SPEN: variants seen among roughly 807,000 people sequenced by gnomAD.
SPEN encodes the protein spen family transcriptional repressor, also known as msx2-interacting protein.
A neutral mutation model predicts 269.9 loss-of-function variants in SPEN; 18 were observed. The ratio of observed to expected loss-of-function variants is 0.07; its 90% CI spans 0.05 to 0.10. The LOEUF (loss-of-function observed/expected upper bound fraction) is 0.10, where lower values mean the gene tolerates loss of function less well. SPEN is among the 10% of genes least tolerant of loss of function. SPEN has a pLI of 1.00. For missense variants in SPEN, 3,822 were observed against 4,631.2 expected (o/e 0.83, Z 5.07); for synonymous variants, 1,726 against 1,765.7 (o/e 0.98, Z 0.56).
intron 5 of SPEN, among the ~76,000 whole-genome samples, chr1:15,912,815 A>G (rs746076364): frequency 3.7e-4 from 56 of 152,314 alleles, no homozygotes; most frequent in Non-Finnish European, 7.8e-4. Flanking sequence ...TTAGAATGTC[A>G]TATATGTTTC....
intron 1 of SPEN, among the ~76,000 whole-genome samples, chr1:15,855,125 G>A (rs1470624609): frequency 6.6e-6 from 1 of 152,116 alleles, no homozygotes; most frequent in East Asian, 1.9e-4. Context: ...AAGATTTGTG[G>A]GAAAATTCAA....
In SPEN at chr1:15,854,672, C is replaced by T. The variant is rs187165294; in HGVS notation, c.83+6522C>T. On this transcript the variant is annotated intron_variant, in intron 1 of 14. Transcript: ENST00000375759. ...GCTAATTTTGTGTTTTTAGTAGAGA[C>T]GGGGTTTCTCTGTGTTGAGGCTGGT... Among the ~76,000 whole-genome samples the T allele has an allele frequency of 2.2e-3, 340 of 151,920 alleles. 1 individual carries two copies. Among genetic ancestry groups the T allele is most frequent in the African/African-American group, 7.6e-3 (315 of 41,416 alleles).
rs575005855 is a variant in SPEN at position 15,877,840 on chromosome 1, G to T, written c.881+1162G>T. On this transcript the variant is annotated intron_variant, in intron 3 of 14. Transcript: ENST00000375759. ...GCTCACAGCACCCTCCACCTCCTGG[G>T]TTCAAGTGAGTCTTCTGCCTCAGCT... Among the ~76,000 whole-genome samples, 6 of 150,256 alleles carry T rather than the reference G, an allele frequency of 4.0e-5. No homozygotes were observed. In the South Asian group the frequency reaches 1.0e-3, roughly 26 times the overall value.
At chr1:15,894,536 GTTT>G (rs766111268) in intron 3 of SPEN, among the ~76,000 whole-genome samples, 1 of 100,402 alleles carries the variant, frequency 1.0e-5, no homozygotes, top group African/African-American at 4.2e-5. Context: ...TATTATGGTT[GTTT>G]TTTTTTTTTT....
At position 15,894,533 on chromosome 1, in the gene SPEN, G is replaced by GTTTTTTT. The variant is rs35841965; in HGVS notation, c.882-14786_882-14785insTTTTTTT. On this transcript the variant is annotated intron_variant, in intron 3 of 14. Coordinates refer to ENST00000375759, the MANE Select transcript of SPEN (RefSeq NM_015001.3). ...TAGATCCTAAAACTACCATATTATG[G>GTTTTTTT]TTGTTTTTTTTTTTTTTTTTTTTTT... Among the ~76,000 whole-genome samples the GTTTTTTT allele has an allele frequency of 4.9e-4, 66 of 135,980 alleles. 1 individual carries two copies. Among genetic ancestry groups the GTTTTTTT allele is most frequent in the African/African-American group, 1.8e-3 (62 of 33,654 alleles). 89.2% of individuals were successfully genotyped at this position (135,980 alleles called of 152,430 possible).
rs1557739895 is a variant in SPEN at position 15,876,318 on chromosome 1, G to A, written c.521G>A (p.Arg174Gln). ...HYDQDYYRDP[R>Q]ERTLQHGLYY... ...GATCAGGATTACTATAGAGATCCTC[G>A]AGAGCGGACTTTACAACATGGGCTC... Residue 174 changes from arginine (R) to glutamine (Q), a missense_variant, in exon 3 of 15, where the codon CGA (arginine) becomes CAA (glutamine). By Grantham distance (43) the Arg-to-Gln change is conservative. This residue lies in a region of SPEN where 327 missense variants were observed against 350.8 expected (regional missense o/e 0.93). Coordinates refer to ENST00000375759, the MANE Select transcript of SPEN (RefSeq NM_015001.3). The A allele has an allele frequency of 1.2e-6, 2 of 1,613,922 alleles. No homozygotes were observed. Among genetic ancestry groups the A allele is most frequent in the Non-Finnish European group, 8.5e-7 (1 of 1,180,004 alleles).
chr1:15,938,692 T>C, intron 13 of SPEN, 26 bp from the exon 14 acceptor site: 1 of 1,600,940 alleles, frequency 6.2e-7, no homozygotes, highest in Non-Finnish European at 8.5e-7. Context: ...AGGCCCCTGC[T>C]CACTGGCAGC....
intron 1 of SPEN, among the ~76,000 whole-genome samples, chr1:15,863,887 C>T (rs2070471384): frequency 6.6e-6 from 1 of 152,152 alleles, no homozygotes; most frequent in South Asian, 2.1e-4. Context: ...TTCAGCAATA[C>T]TATTCACAAT....
chr1:15,863,267 C>G (rs1472684580), intron 1 of SPEN, among the ~76,000 whole-genome samples: 1 of 152,038 alleles, frequency 6.6e-6, no homozygotes, highest in Non-Finnish European at 1.5e-5. Context: ...CAAAACTGCA[C>G]ATGCACACAC....
chr1:15,886,428 G>T (rs984369260), intron 3 of SPEN, among the ~76,000 whole-genome samples: 3 of 152,128 alleles, frequency 2.0e-5, no homozygotes, highest in Admixed American at 6.6e-5. Context: ...GCCACCTCCC[G>T]GAGGCTTCCT....
Position 15,930,632 on chromosome 1 carries a change from T to A in SPEN, c.4392T>A (p.Phe1464Leu). The change falls in exon 11 of 15, where the codon TTT becomes TTA. Residue 1464 changes from phenylalanine to leucine, a missense_variant. Phe to Leu is a conservative substitution (Grantham distance 22). Around this residue, in one of 16 missense-constraint regions of SPEN, gnomAD observed 267 missense variants for 315.5 expected, o/e 0.85. Coordinates refer to ENST00000375759, the MANE Select transcript of SPEN (RefSeq NM_015001.3). This position sits in a 1 kb window ranked among gnomAD's most constrained non-coding sequence, Gnocchi z 5.3. ...LSSSREENWS[F>L]LDWDSRFANF... ...CATCTCGTGAAGAAAATTGGTCTTT[T>A]CTTGATTGGGACTCCCGATTTGCAA... 5 of 1,614,216 alleles carry A rather than the reference T, an allele frequency of 3.1e-6. No homozygotes were observed. Among genetic ancestry groups the A allele is most frequent in the Non-Finnish European group, 4.2e-6 (5 of 1,180,038 alleles).
intron 3 of SPEN, among the ~76,000 whole-genome samples, chr1:15,880,382 C>T (rs896914334): frequency 6.7e-6 from 1 of 149,898 alleles, no homozygotes; most frequent in Non-Finnish European, 1.5e-5. Flanking sequence ...TAGTGAGTTA[C>T]TTGAACCTCA....
intron 3 of SPEN, among the ~76,000 whole-genome samples, chr1:15,894,536 G>GGTTTTT (rs1553177206): frequency 1.9e-4 from 19 of 100,402 alleles, no homozygotes; most frequent in South Asian, 1.1e-3. Context: ...TATTATGGTT[G>GGTTTTT]TTTTTTTTTT....
At position 15,934,543 on chromosome 1, in the gene SPEN, C is replaced by A. The variant is rs144525015; in HGVS notation, c.8303C>A (p.Ala2768Glu). The A allele has an allele frequency of 6.2e-7, 1 of 1,614,058 alleles. No homozygotes were observed. Among genetic ancestry groups the A allele is most frequent in the East Asian group, 2.2e-5 (1 of 44,884 alleles). ...GTGACAATGGCAGGGGCAGTGATTG[C>A]GCCGTCAACAAAGTGCAAACAGAGA... ...GTVTMAGAVIAPSTKCKQRAS... is the reference protein window; with the variant it reads ...GTVTMAGAVIEPSTKCKQRAS... Residue 2768 changes from alanine (A) to glutamate (E), a missense_variant, in exon 11 of 15, where the codon GCG becomes GAG. By Grantham distance (107) the Ala-to-Glu change is moderately radical. This residue lies in a region of SPEN where 329 missense variants were observed against 431.2 expected (regional missense o/e 0.76). Transcript: ENST00000375759. This position sits in a 1 kb window ranked among gnomAD's most constrained non-coding sequence, Gnocchi z 9.2.
chr1:15,882,767 C>G (rs2070699837), intron 3 of SPEN, among the ~76,000 whole-genome samples: 1 of 152,212 alleles, frequency 6.6e-6, no homozygotes, highest in Non-Finnish European at 1.5e-5. Context: ...CACACCTGTA[C>G]TAGGATGAAA....
In SPEN at chr1:15,931,485, G is replaced by A. The variant is rs761228108; in HGVS notation, c.5245G>A (p.Val1749Ile). 11 of 1,614,136 alleles carry A rather than the reference G, an allele frequency of 6.8e-6. No individual in the cohort carries two copies. Among genetic ancestry groups the A allele is most frequent in the Middle Eastern group, 1.6e-4 (1 of 6,062 alleles). ...GASFSQAESNVDPEPDSTQPL... is the reference protein window; with the variant it reads ...GASFSQAESNIDPEPDSTQPL... ...CTCGTTTTCCCAGGCAGAGAGCAAC[G>A]TAGATCCAGAGCCTGACAGTACCCA... Residue 1749 changes from valine (V) to isoleucine (I), a missense_variant, in exon 11 of 15, where the codon GTA becomes ATA. Physicochemically the swap from Val to Ile is conservative, Grantham distance 29 (BLOSUM62 3). Coordinates refer to ENST00000375759, the MANE Select transcript of SPEN (RefSeq NM_015001.3). This position sits in a 1 kb window ranked among gnomAD's most constrained non-coding sequence, Gnocchi z 4.8.
At chr1:15,891,591 C>T (rs2070789693) in intron 3 of SPEN, among the ~76,000 whole-genome samples, 1 of 151,852 alleles carries the variant, frequency 6.6e-6, no homozygotes, top group Non-Finnish European at 1.5e-5. Flanking sequence ...ACCTCGTGAT[C>T]TGCCCACCTC....
At chr1:15,890,503 T>A (rs1402124713) in intron 3 of SPEN, among the ~76,000 whole-genome samples, 1 of 151,654 alleles carries the variant, frequency 6.6e-6, no homozygotes, top group African/African-American at 2.4e-5. Context: ...GTGCTGGGAT[T>A]ATAGGCATGA....
intron 3 of SPEN, among the ~76,000 whole-genome samples, chr1:15,891,352 ATTT>A (rs34925405): frequency 7.2e-6 from 1 of 138,864 alleles, no homozygotes; most frequent in Admixed American, 7.3e-5. Context: ...ACTTAGCTAA[ATTT>A]TTTTTTTTTT....
Sources: gnomAD v4.1 joint callset for allele counts (sites outside exome capture counted in the v4.1 genomes callset) on GRCh38, gnomAD v4.1.1 for gene constraint, gnomAD v4.1.1 regional missense constraint, Gnocchi (gnomAD v3.1) non-coding constraint, MANE v1.5 for transcripts, NCBI Gene and HGNC (gene_info 2026-07-23, HGNC 2026-07-21) for gene names.